The following POLRMT variants were observed in gnomAD, a reference collection of about 807,000 sequenced individuals.
The protein encoded by POLRMT is RNA polymerase mitochondrial, also known as DNA-directed RNA polymerase, mitochondrial.
A neutral mutation model predicts 132.2 loss-of-function variants in POLRMT; 114 were observed. The ratio of observed to expected loss-of-function variants is 0.86; its 90% confidence interval spans 0.74 to 1.01. POLRMT has a LOEUF of 1.01. Ranked by LOEUF, POLRMT falls within the 50% of genes least tolerant of loss-of-function variation. The pLI, the probability that POLRMT is intolerant of heterozygous loss-of-function variation, is 0.00. For missense variants in POLRMT, 2,003 were observed against 1,729.1 expected, an observed-to-expected ratio of 1.16 and a Z score of -2.81; for synonymous variants, 1,020 against 773.4, an observed-to-expected ratio of 1.32 and a Z score of -5.29.
intron 3 of POLRMT, among the ~76,000 whole-genome samples, chr19:627,191 G>A (rs964292153): frequency 3.0e-5 from 4 of 134,486 alleles, no homozygotes; most frequent in Admixed American, 8.7e-5. Context: ...TCGCTCTGTC[G>A]CCCAGGCTGG....
chr19:623,169 A>C (rs1177518087), intron 6 of POLRMT, among the ~76,000 whole-genome samples, 184 bp from the exon 7 acceptor site: 1 of 152,182 alleles, frequency 6.6e-6, no homozygotes, highest in Non-Finnish European at 1.5e-5. Flanking sequence ...CGCAGCCAAG[A>C]GCAAAAGCCC....
Position 620,239 on chromosome 19 carries a change from C to T in POLRMT, c.2763+126G>A, listed in dbSNP as rs949161888. ...TCCCGGGAGAGACCAGGAGCCATGG[C>T]TCCCGCACACTCTAGGACCACCTCC... On this transcript the variant is annotated intron_variant, in intron 11 of 20. Transcript: ENST00000588649. The T allele has an allele frequency of 2.5e-5, 36 of 1,451,882 alleles. No homozygotes were observed. The African/African-American group carries it at 3.3e-4, about 13-fold the overall frequency. 89.9% of individuals were successfully genotyped at this position (1,451,882 alleles called of 1,614,324 possible).
At chr19:625,288 G>A (rs759919850) in intron 3 of POLRMT, 34 bp from the exon 4 acceptor site, 2 of 1,611,280 alleles carry the variant, frequency 1.2e-6, no homozygotes, top group South Asian at 1.1e-5. Context: ...GGTCTGGGGG[G>A]ATGGCCCAAC....
chr19:630,028 T>C lies in POLRMT; in HGVS notation c.334A>G (p.Lys112Glu), dbSNP rs774712020. 4.3e-6 allele frequency: 7 copies of C among 1,613,756 alleles called. No individual in the cohort carries two copies. The Admixed American group carries it at 8.3e-5, about 19-fold the overall frequency. Residue 112 changes from lysine (K) to glutamate (E), a missense_variant, in exon 3 of 21, where the codon AAG (lysine) becomes GAG (glutamate). Physicochemically the swap from Lys to Glu is moderately conservative, Grantham distance 56. Transcript: ENST00000588649. Reference sequence around the variant, plus strand: ...CCACAGGGCACCGGGGTGGCATCCTTGGCCCCCATCTGGACCTTCCTGGGT... The same window carrying C: ...CCACAGGGCACCGGGGTGGCATCCTCGGCCCCCATCTGGACCTTCCTGGGT... The part of the protein sequence containing the change: ...QPPRKVQMGA[K>E]DATPVPCGRW...
chr19:623,431 CG>C (rs1194574743), intron 6 of POLRMT, 22 bp downstream of exon 6: 22 of 1,607,600 alleles, frequency 1.4e-5, no homozygotes, highest in Non-Finnish European at 1.9e-5. Context: ...GCGGCGGACA[CG>C]GGACCCCGGC....
chr19:629,702 T>C lies in POLRMT; in HGVS notation c.660A>G (p.Ser220=). The change falls in exon 3 of 21, where the codon TCA becomes TCG. Residue 220 remains serine (S), a synonymous_variant. Transcript: ENST00000588649. ...PSGQHSQAQL[S]GQQQRLLAFF... ...AGGCCAGGAGCCTCTGCTGCTGACC[T>C]GAGAGCTGGGCCTGCGAGTGCTGCC... 2 of 1,602,738 alleles carry C rather than the reference T, an allele frequency of 1.2e-6. No homozygotes were observed. The highest frequency in any genetic ancestry group is 1.7e-6 in the Non-Finnish European group (2 of 1,175,300).
rs1984528376 is a variant in POLRMT at position 621,029 on chromosome 19, GGCGGGGAAT to G, written c.2640+20_2640+28del. On this transcript the variant is annotated intron_variant, in intron 10 of 20. Transcript: ENST00000588649. Reference sequence around the variant, plus strand: ...GGGGAGGGCGCGGGGGTGCCGGGAGGGCGGGGAATGCGGGGGCCCCGCCCCTACCGTCAA... The same window carrying G: ...GGGGAGGGCGCGGGGGTGCCGGGAGGGCGGGGGCCCCGCCCCTACCGTCAA... 6.6e-7 allele frequency: 1 copy of G among 1,522,092 alleles called. No individual in the cohort carries two copies. The highest frequency in any genetic ancestry group is 1.7e-5 in the African/African-American group (1 of 60,114). 94.3% of individuals were successfully genotyped at this position (1,522,092 alleles called of 1,614,324 possible). A position where few individuals can be genotyped will look rare whatever the true frequency, so the allele number is the denominator to read the frequency against.
At position 633,422 on chromosome 19, in the gene POLRMT, T is replaced by C. The variant is rs1440750013; in HGVS notation, c.88+3A>G. 3 of 1,544,428 alleles carry C rather than the reference T, an allele frequency of 1.9e-6. 1 individual carries two copies. In the Admixed American group the frequency reaches 5.5e-5, roughly 28 times the overall value. ...GCTGCCTGGCCGTCTCCCTTTGTGTTACCTTCTTTGCCGGGGAGTCCCGGG... is the reference window on the plus strand; with the variant it reads ...GCTGCCTGGCCGTCTCCCTTTGTGTCACCTTCTTTGCCGGGGAGTCCCGGG... On this transcript the variant is annotated splice_donor_region_variant and intron_variant, in intron 1 of 20. Transcript: ENST00000588649.
In POLRMT at chr19:630,022, C is replaced by T. The variant is rs1217026486; in HGVS notation, c.340G>A (p.Ala114Thr). The change falls in exon 3 of 21, where the codon GCC (alanine) becomes ACC (threonine). Residue 114 changes from alanine (A) to threonine (T), a missense_variant. Physicochemically the swap from Ala to Thr is moderately conservative, Grantham distance 58 (BLOSUM62 0). Transcript: ENST00000588649. ...PRKVQMGAKD[A>T]TPVPCGRWAK... ...CAGCGGCCACAGGGCACCGGGGTGG[C>T]ATCCTTGGCCCCCATCTGGACCTTC... The T allele has an allele frequency of 5.6e-6, 9 of 1,613,836 alleles. 1 individual carries two copies. Among genetic ancestry groups the T allele is most frequent in the African/African-American group, 5.3e-5 (4 of 75,066 alleles).
Position 619,965 on chromosome 19 carries a change from G to A in POLRMT, c.2879C>T (p.Ala960Val), listed in dbSNP as rs755148502. Residue 960 changes from alanine (A) to valine (V), a missense_variant, in exon 12 of 21, where the codon GCC becomes GTC. Transcript: ENST00000588649. ...DVPQDVYSGVAAQVEVFRRQD... is the reference protein window; with the variant it reads ...DVPQDVYSGVVAQVEVFRRQD... ...CAGCAGGGCACACCCTACCTGCGCG[G>A]CCACGCCGCTGTACACGTCCTGCGG... The A allele has an allele frequency of 1.2e-6, 2 of 1,601,076 alleles. No homozygotes were observed. The highest frequency in any genetic ancestry group is 1.3e-5 in the African/African-American group (1 of 74,856).
rs748400574 is a variant in POLRMT at position 633,503 on chromosome 19, G to A, written c.10C>T (p.Leu4Phe). The stretch of plus-strand genomic sequence containing the variant: ...CCCGCCGCTCCGCGGCCCCAGCAAA[G>A]TGCCGACATTACGCACGCCGCTCCA... MSA[L>F]CWGRGAAGLK... Residue 4 changes from leucine to phenylalanine, a missense_variant, in exon 1 of 21, where the codon CTT (leucine) becomes TTT (phenylalanine). Transcript: ENST00000588649. 61 of 1,495,120 alleles carry A rather than the reference G, an allele frequency of 4.1e-5. No individual in the cohort carries two copies. The Middle Eastern group carries it at 1.1e-3, about 28-fold the overall frequency. The allele number at this position is 1,495,120 out of a possible 1,614,324, so 92.6% of individuals were successfully genotyped here. A position where few individuals can be genotyped will look rare whatever the true frequency, so the allele number is the denominator to read the frequency against.
chr19:633,357 C>G (rs116238482), intron 1 of POLRMT, 68 bp downstream of exon 1: 6 of 1,395,784 alleles, frequency 4.3e-6, no homozygotes, highest in Non-Finnish European at 5.6e-6. Context: ...GCGCCAAAGG[C>G]CCCGGCCGCG....
In POLRMT at chr19:630,021, G is replaced by T; in HGVS notation, c.341C>A (p.Ala114Asp). ...CCAGCGGCCACAGGGCACCGGGGTG[G>T]CATCCTTGGCCCCCATCTGGACCTT... ...PRKVQMGAKD[A>D]TPVPCGRWAK... is the part of the protein sequence containing the mutation. Residue 114 changes from alanine to aspartate, a missense_variant, in exon 3 of 21, where the codon GCC (alanine) becomes GAC (aspartate). Ala to Asp is a moderately radical substitution (Grantham distance 126). Transcript: ENST00000588649. 1.2e-6 allele frequency: 2 copies of T among 1,613,800 alleles called. No individual in the cohort carries two copies. The highest frequency in any genetic ancestry group is 1.7e-6 in the Non-Finnish European group (2 of 1,180,036).
In POLRMT at chr19:630,141, T is replaced by G. The variant is rs1985310182; in HGVS notation, c.221A>C (p.Gln74Pro). The G allele has an allele frequency of 1.2e-6, 2 of 1,603,678 alleles. No individual in the cohort carries two copies. Among genetic ancestry groups the G allele is most frequent in the Non-Finnish European group, 1.7e-6 (2 of 1,173,664 alleles). Residue 74 changes from glutamine (Q) to proline (P), a missense_variant, in exon 3 of 21, where the codon CAG (glutamine) becomes CCG (proline). Coordinates refer to ENST00000588649, the MANE Select transcript of POLRMT (RefSeq NM_005035.4). Reference sequence around the variant, plus strand: ...CACCACCTCCGACACGCTCTCAGCCTGCAGCTGCCGCACCCGCGCCTGGAG... The same window carrying G: ...CACCACCTCCGACACGCTCTCAGCCGGCAGCTGCCGCACCCGCGCCTGGAG... ...EVLQARVRQLQAESVSEVVVN... is the reference protein window; with the variant it reads ...EVLQARVRQLPAESVSEVVVN...
rs1022620727 is a variant in POLRMT, at chr19:619,243, T to C, written c.3120A>G (p.Leu1040=). 6.2e-7 allele frequency: 1 copy of C among 1,607,366 alleles called. No homozygotes were observed. The highest frequency in any genetic ancestry group is 1.4e-5 in the African/African-American group (1 of 73,506). Residue 1040 remains leucine (L), a synonymous_variant, in exon 14 of 21, where the codon CTA becomes CTG. Transcript: ENST00000588649. The part of the protein sequence containing the change: ...HYLVRQVFKS[L]QEMFSGTRAI... ...CCCGGGTCCCCGAGAACATCTCCTG[T>C]AGACTCTTGAAGACCTGGCGTACGA...
chr19:621,883 G>A (rs775509664), intron 9 of POLRMT, 37 bp from the exon 10 acceptor site: 15 of 1,594,986 alleles, frequency 9.4e-6, no homozygotes, highest in African/African-American at 1.3e-5. Flanking sequence ...GGGCCCCGGT[G>A]CTGGGGCTTT....
At chr19:625,762 C>T (rs1006093733) in intron 3 of POLRMT, among the ~76,000 whole-genome samples, 2 of 152,172 alleles carry the variant, frequency 1.3e-5, no homozygotes, top group African/African-American at 4.8e-5. Flanking sequence ...AGTGCAGTGG[C>T]ACAATCTCAG....
At position 623,555 on chromosome 19, in the gene POLRMT, G is replaced by T. The variant is rs781207550; in HGVS notation, c.1189C>A (p.Gln397Lys). Residue 397 changes from glutamine to lysine, a missense_variant, in exon 6 of 21, where the codon CAG becomes AAG. Transcript: ENST00000588649. Reference sequence around the variant, plus strand: ...TGGAGCTGCTTCTCAAAGAGGCACTGCAGGGTCTTCAAGGGCAGGTGCAGC... The same window carrying T: ...TGGAGCTGCTTCTCAAAGAGGCACTTCAGGGTCTTCAAGGGCAGGTGCAGC... ...PKLHLPLKTL[Q>K]CLFEKQLHME... 5.6e-6 allele frequency: 9 copies of T among 1,613,722 alleles called. No homozygotes were observed. The highest frequency in any genetic ancestry group is 7.6e-6 in the Non-Finnish European group (9 of 1,180,000).
At chr19:626,018 A>G (rs565896491) in intron 3 of POLRMT, among the ~76,000 whole-genome samples, 1 of 151,150 alleles carries the variant, frequency 6.6e-6, no homozygotes, top group African/African-American at 2.4e-5. Flanking sequence ...TTCCGAATAT[A>G]GGCATTTTGT....
Sources: allele counts gnomAD v4.1 joint callset (sites outside exome capture counted in the v4.1 genomes callset), GRCh38; gene constraint gnomAD v4.1.1; transcripts MANE v1.5; gene names NCBI Gene and HGNC (gene_info 2026-07-23, HGNC 2026-07-21).